CTDSPL: variants seen among roughly 807,000 people sequenced by gnomAD.
CTDSPL encodes CTD small phosphatase like.
Under a neutral mutation model 30.5 loss-of-function variants are expected in CTDSPL, and 8 were observed. The observed-to-expected ratio is 0.26, with a 90% confidence interval of 0.15 to 0.47. The LOEUF (loss-of-function observed/expected upper bound fraction) is 0.47. Ranked by LOEUF, CTDSPL falls within the 20% of genes least tolerant of loss-of-function variation. The pLI is 0.99. For synonymous variants in CTDSPL, 110 were observed against 137.9 expected, an observed-to-expected ratio of 0.80 and a Z score of 1.42; for missense variants, 248 against 366.1, an observed-to-expected ratio of 0.68 and a Z score of 2.63.
chr3:37,934,042 G>A (rs576837725), intron 1 of CTDSPL, among the ~76,000 whole-genome samples: 3 of 152,290 alleles, frequency 2.0e-5, no homozygotes, highest in Non-Finnish European at 2.9e-5. Context: ...TAAGATTGTA[G>A]CTAGGTGTGG....
intron 1 of CTDSPL, among the ~76,000 whole-genome samples, chr3:37,869,298 C>T (rs1310527418): frequency 6.6e-6 from 1 of 152,040 alleles, no homozygotes; most frequent in African/African-American, 2.4e-5. Context: ...TATTATCCTC[C>T]TTTTAGTTAT....
At chr3:37,864,500 G>T (rs757853678) in intron 1 of CTDSPL, among the ~76,000 whole-genome samples, 49 of 152,230 alleles carry the variant, frequency 3.2e-4, no homozygotes, top group South Asian at 8.3e-4. Flanking sequence ...GCCCTGGGGT[G>T]GGGTGGTTGG....
chr3:37,940,904 G>A (rs999746778), intron 1 of CTDSPL, among the ~76,000 whole-genome samples: 2 of 150,458 alleles, frequency 1.3e-5, no homozygotes, highest in African/African-American at 4.8e-5. Context: ...CTGCCTAGAA[G>A]ACCAGGGAAG....
At chr3:37,929,599 A>G (rs556888397) in intron 1 of CTDSPL, among the ~76,000 whole-genome samples, 1 of 152,324 alleles carries the variant, frequency 6.6e-6, no homozygotes, top group South Asian at 2.1e-4. Flanking sequence ...TCGTCAGTGT[A>G]TAGAAGCAGA....
At chr3:37,869,024 C>G (rs1279793626) in intron 1 of CTDSPL, among the ~76,000 whole-genome samples, 3 of 151,990 alleles carry the variant, frequency 2.0e-5, no homozygotes, top group Non-Finnish European at 4.4e-5. Context: ...ATTAAGTCTT[C>G]CAATCCATGA....
intron 1 of CTDSPL, among the ~76,000 whole-genome samples, chr3:37,888,266 A>G (rs1169363433): frequency 6.6e-6 from 1 of 152,236 alleles, no homozygotes; most frequent in Non-Finnish European, 1.5e-5. Flanking sequence ...TTATTCCTTG[A>G]TAATGTTTTT....
At chr3:37,946,918 T>A (rs1264120505) in intron 1 of CTDSPL, 139 bp from the exon 2 acceptor site, 1 of 811,766 alleles carries the variant, frequency 1.2e-6, no homozygotes, top group South Asian at 2.3e-5. Flanking sequence ...CAGGAGCCCC[T>A]CATCTTCTCC....
intron 2 of CTDSPL, among the ~76,000 whole-genome samples, chr3:37,954,086 A>G (rs1699140455): frequency 6.6e-6 from 1 of 152,234 alleles, no homozygotes; most frequent in Non-Finnish European, 1.5e-5. Context: ...ATTTTTAGAA[A>G]GAAAATAAGG....
chr3:37,950,164 T>G (rs1575313911), intron 2 of CTDSPL, among the ~76,000 whole-genome samples: 1 of 152,182 alleles, frequency 6.6e-6, no homozygotes, highest in Admixed American at 6.5e-5. Flanking sequence ...TCTCTGAGGT[T>G]TGTTAACTTG....
chr3:37,941,878 C>G (rs1698982956), intron 1 of CTDSPL, among the ~76,000 whole-genome samples: 1 of 150,258 alleles, frequency 6.7e-6, no homozygotes, highest in Non-Finnish European at 1.5e-5. Flanking sequence ...ATGCTCCTTT[C>G]TGATGTACAG....
At chr3:37,941,349 G>A (rs560318392) in intron 1 of CTDSPL, among the ~76,000 whole-genome samples, 1 of 149,826 alleles carries the variant, frequency 6.7e-6, no homozygotes, top group African/African-American at 2.4e-5. Context: ...CTCCCTGTGG[G>A]GTATCTGTGC....
At chr3:37,944,033 A>G (rs923413695) in intron 1 of CTDSPL, among the ~76,000 whole-genome samples, 3 of 150,162 alleles carry the variant, frequency 2.0e-5, no homozygotes, top group Non-Finnish European at 4.5e-5. Flanking sequence ...GGTTTGTGTC[A>G]TAGGCTTGGA....
chr3:37,928,357 G>A (rs767163799), intron 1 of CTDSPL, among the ~76,000 whole-genome samples: 9 of 152,196 alleles, frequency 5.9e-5, no homozygotes, highest in Non-Finnish European at 1.3e-4. Flanking sequence ...CAATGCACAA[G>A]CATTTCAGTT....
At chr3:37,867,717 C>T (rs2125586952) in intron 1 of CTDSPL, among the ~76,000 whole-genome samples, 1 of 152,256 alleles carries the variant, frequency 6.6e-6, no homozygotes, top group African/African-American at 2.4e-5. Context: ...GTACCCATCA[C>T]CTAGTGTCCC....
At chr3:37,889,457 A>C (rs1413368922) in intron 1 of CTDSPL, among the ~76,000 whole-genome samples, 1 of 152,224 alleles carries the variant, frequency 6.6e-6, no homozygotes, top group Non-Finnish European at 1.5e-5. Context: ...AAAAGGTAGA[A>C]TGAAAAGATG....
intron 3 of CTDSPL, among the ~76,000 whole-genome samples, chr3:37,958,724 G>C (rs1024727725): frequency 6.6e-6 from 1 of 152,214 alleles, no homozygotes; most frequent in Non-Finnish European, 1.5e-5. Flanking sequence ...ACTGCTGACT[G>C]TGTCCTACAT....
chr3:37,924,696 A>G (rs900745745), intron 1 of CTDSPL, among the ~76,000 whole-genome samples: 4 of 152,200 alleles, frequency 2.6e-5, no homozygotes, highest in Admixed American at 6.5e-5. Context: ...TCTCAGGGAT[A>G]TGTAGTTTCT....
chr3:37,960,533 TATACACACACAC>T (rs1259088959), intron 3 of CTDSPL, among the ~76,000 whole-genome samples: 99 of 33,548 alleles, frequency 3.0e-3, no homozygotes, highest in East Asian at 9.6e-3. Context: ...TATATATATA[TATACACACACAC>T]ACACACACAC....
At chr3:37,933,665 C>T (rs1698882046) in intron 1 of CTDSPL, among the ~76,000 whole-genome samples, 1 of 152,148 alleles carries the variant, frequency 6.6e-6, no homozygotes, top group African/African-American at 2.4e-5. Flanking sequence ...TTAAGTTCTT[C>T]ATCTATAAAA....
Sources: allele counts gnomAD v4.1 joint callset (sites outside exome capture counted in the v4.1 genomes callset), GRCh38; gene constraint gnomAD v4.1.1; transcripts MANE v1.5; gene names NCBI Gene and HGNC (gene_info 2026-07-23, HGNC 2026-07-21).